BACH2: variants seen among roughly 807,000 people sequenced by gnomAD.
BACH2 encodes transcription regulator protein BACH2.
BACH2 carries 5 observed loss-of-function variants against 61.8 expected under a neutral mutation model. The observed-to-expected ratio is 0.08, with a 90% confidence interval of 0.04 to 0.17. The LOEUF (loss-of-function observed/expected upper bound fraction) is 0.17. BACH2 is among the 10% of genes least tolerant of loss of function. BACH2 has a pLI of 1.00. For missense variants in BACH2, 824 were observed against 1,091.1 expected, an observed-to-expected ratio of 0.76 and a Z score of 3.45; for synonymous variants, 446 against 440.1, an observed-to-expected ratio of 1.01 and a Z score of -0.17.
chr6:90,033,003 T>C (rs997383078), intron 5 of BACH2, among the ~76,000 whole-genome samples: 1 of 152,114 alleles, frequency 6.6e-6, no homozygotes, highest in African/African-American at 2.4e-5. Flanking sequence ...GTGGTACATA[T>C]ACACCATGGA....
intron 4 of BACH2, among the ~76,000 whole-genome samples, chr6:90,122,038 T>C (rs1215938475): frequency 2.6e-5 from 4 of 152,164 alleles, no homozygotes; most frequent in Admixed American, 2.0e-4. Flanking sequence ...TTTCCAGCTG[T>C]AAAGGTTGAT....
chr6:89,936,701 A>G (rs958036111), intron 8 of BACH2, among the ~76,000 whole-genome samples: 5 of 151,586 alleles, frequency 3.3e-5, no homozygotes, highest in African/African-American at 4.8e-5. Context: ...TGAGTGTCAA[A>G]GAAACCCACA....
chr6:90,292,125 AC>A (rs1225291272), intron 1 of BACH2, among the ~76,000 whole-genome samples: 2 of 152,202 alleles, frequency 1.3e-5, no homozygotes, highest in African/African-American at 4.8e-5. Flanking sequence ...TTGATTCAGG[AC>A]TGGACTGTGT....
intron 6 of BACH2, among the ~76,000 whole-genome samples, chr6:89,962,115 TTG>T (rs35531462): frequency 0.11 from 17,166 of 152,252 alleles, 1,029 homozygotes; most frequent in African/African-American, 0.14. Context: ...CTCTAGTCTT[TTG>T]ACACTTTCCT....
intron 5 of BACH2, among the ~76,000 whole-genome samples, chr6:90,051,345 A>G (rs752831914): frequency 2.0e-5 from 3 of 152,162 alleles, no homozygotes; most frequent in Non-Finnish European, 2.9e-5. Context: ...ACTCTTTTAC[A>G]TCAGTCTTAC....
At chr6:90,037,155 C>A (rs894304887) in intron 5 of BACH2, among the ~76,000 whole-genome samples, 1 of 152,160 alleles carries the variant, frequency 6.6e-6, no homozygotes, top group Non-Finnish European at 1.5e-5. Flanking sequence ...AAGACACATA[C>A]CACACCCTGC....
At chr6:89,972,862 G>T (rs763834554) in intron 6 of BACH2, among the ~76,000 whole-genome samples, 96 of 152,158 alleles carry the variant, frequency 6.3e-4, no homozygotes, top group Non-Finnish European at 1.3e-3. Flanking sequence ...AGGGTGAGGT[G>T]GGCAGATCAC....
At chr6:89,944,102 A>G (rs769467632) in intron 7 of BACH2, among the ~76,000 whole-genome samples, 6 of 152,238 alleles carry the variant, frequency 3.9e-5, no homozygotes, top group Non-Finnish European at 8.8e-5. Context: ...AGTTTCTAGC[A>G]CAAATATGGG....
chr6:89,998,074 C>G (rs1443643942), intron 6 of BACH2, among the ~76,000 whole-genome samples: 1 of 152,152 alleles, frequency 6.6e-6, no homozygotes, highest in Non-Finnish European at 1.5e-5. Context: ...ATAGGTATTT[C>G]TTCAACAAGC....
At chr6:90,010,082 TTTC>T (rs1265933200) in intron 5 of BACH2, among the ~76,000 whole-genome samples, 3 of 152,350 alleles carry the variant, frequency 2.0e-5, no homozygotes, top group Middle Eastern at 6.8e-3. Context: ...TCTTTTTGGC[TTTC>T]TTATTTTTTT....
intron 4 of BACH2, among the ~76,000 whole-genome samples, chr6:90,092,632 T>C (rs1008246622): frequency 1.3e-5 from 2 of 151,628 alleles, no homozygotes; most frequent in Non-Finnish European, 2.9e-5. Context: ...ATTAGGTATC[T>C]TTTTTTTAAA....
At chr6:89,985,320 C>A (rs941865748) in intron 6 of BACH2, among the ~76,000 whole-genome samples, 9 of 152,202 alleles carry the variant, frequency 5.9e-5, no homozygotes, top group Admixed American at 2.0e-4. Flanking sequence ...CATCTGCTGG[C>A]GGGGCTGGTG....
intron 6 of BACH2, among the ~76,000 whole-genome samples, chr6:89,988,599 A>C (rs1776369036): frequency 1.3e-5 from 2 of 152,222 alleles, no homozygotes; most frequent in South Asian, 4.1e-4. Flanking sequence ...AAGAAAGCAG[A>C]AGATCTGACT....
chr6:90,142,404 T>C (rs753636062), intron 4 of BACH2, among the ~76,000 whole-genome samples: 7 of 152,222 alleles, frequency 4.6e-5, no homozygotes, highest in Non-Finnish European at 8.8e-5. Context: ...TCTTTAGCTA[T>C]AATGGCCAAG....
At chr6:90,247,920 T>C (rs549929658) in intron 3 of BACH2, among the ~76,000 whole-genome samples, 132 of 152,330 alleles carry the variant, frequency 8.7e-4, no homozygotes, top group Admixed American at 1.4e-3. Context: ...CCCTACAGCA[T>C]TCTGTATCTT....
intron 4 of BACH2, among the ~76,000 whole-genome samples, chr6:90,205,580 AGT>A (rs928770744): frequency 6.6e-6 from 1 of 152,240 alleles, no homozygotes; most frequent in African/African-American, 2.4e-5. Flanking sequence ...CCAAATACCA[AGT>A]GTCAAGGCTG....
chr6:90,069,593 GA>G (rs998448554), intron 5 of BACH2, among the ~76,000 whole-genome samples: 2 of 152,012 alleles, frequency 1.3e-5, no homozygotes, highest in Admixed American at 6.6e-5. Context: ...TGTTAACGTA[GA>G]AAAAAAGACT....
chr6:90,219,105 T>A (rs912084854), intron 3 of BACH2, among the ~76,000 whole-genome samples: 1 of 152,190 alleles, frequency 6.6e-6, no homozygotes, highest in Non-Finnish European at 1.5e-5. Context: ...TACAAAATTA[T>A]CCTTCTCCCC....
At position 89,930,194 on chromosome 6, in the gene BACH2, G is replaced by T. The variant is rs1772564362; in HGVS notation, c.*2214C>A. 1 of 134,828 alleles carries T rather than the reference G, an allele frequency of 7.4e-6. No individual in the cohort carries two copies. Among genetic ancestry groups the T allele is most frequent in the African/African-American group, 2.8e-5 (1 of 35,884 alleles). 8.4% of individuals were successfully genotyped at this position (134,828 alleles called of 1,614,324 possible). A position where few individuals can be genotyped will look rare whatever the true frequency, so the allele number is the denominator to read the frequency against. ...AAGAAAAAACAAAAACCCAGAGGCA[G>T]GTTTTAAAAGTGGAACTGTTTAAAA... On this transcript the variant is annotated 3_prime_UTR_variant, in exon 9 of 9. Coordinates refer to ENST00000257749, the MANE Select transcript of BACH2 (RefSeq NM_021813.4).
Sources: allele counts gnomAD v4.1 joint callset (sites outside exome capture counted in the v4.1 genomes callset), GRCh38; gene constraint gnomAD v4.1.1; transcripts MANE v1.5; gene names NCBI Gene and HGNC (gene_info 2026-07-23, HGNC 2026-07-21).